Variants in TMEM150C observed in about 807,000 individuals in gnomAD.
TMEM150C encodes transmembrane protein 150C, also known as tentonin 3.
Under a neutral mutation model 29.9 loss-of-function variants are expected in TMEM150C, and 10 were observed. The ratio of observed to expected loss-of-function variants is 0.33; its 90% confidence interval spans 0.21 to 0.57. TMEM150C has a LOEUF of 0.57. Ranked by LOEUF, TMEM150C falls within the 20% of genes least tolerant of loss-of-function variation. TMEM150C has a pLI of 0.88. For synonymous variants in TMEM150C, 101 were observed against 112.5 expected (o/e 0.90, Z 0.64); for missense variants, 251 against 303.6 (o/e 0.83, Z 1.29).
At chr4:82,542,997 T>C (rs1170241931) in intron 1 of TMEM150C, among the ~76,000 whole-genome samples, 2 of 152,230 alleles carry the variant, frequency 1.3e-5, no homozygotes, top group African/African-American at 4.8e-5. Flanking sequence ...ATGACTGTTA[T>C]GTATATAGCA....
chr4:82,526,946 C>A (rs930140872), intron 1 of TMEM150C, among the ~76,000 whole-genome samples: 1 of 151,714 alleles, frequency 6.6e-6, no homozygotes, highest in African/African-American at 2.4e-5. Flanking sequence ...AATTCTTACC[C>A]ATCTTTCCAG....
chr4:82,487,805 A>C (rs569017545), intron 7 of TMEM150C, among the ~76,000 whole-genome samples: 3 of 152,224 alleles, frequency 2.0e-5, no homozygotes, highest in Admixed American at 6.5e-5. Flanking sequence ...GTGTGTTTTC[A>C]TATTTTATTC....
intron 1 of TMEM150C, among the ~76,000 whole-genome samples, chr4:82,514,687 C>T (rs1177397066): frequency 6.6e-6 from 1 of 152,200 alleles, no homozygotes; most frequent in Admixed American, 6.5e-5. Context: ...TGCCCAGCTA[C>T]ATGACTCTCC....
At chr4:82,553,651 C>G (rs181107983) in intron 1 of TMEM150C, among the ~76,000 whole-genome samples, 32 of 152,274 alleles carry the variant, frequency 2.1e-4, no homozygotes, top group African/African-American at 6.3e-4. Context: ...GAAAAAAAGT[C>G]ACTCTGAGCC....
chr4:82,501,857 G>A (rs1381945725), intron 5 of TMEM150C, among the ~76,000 whole-genome samples: 1 of 151,732 alleles, frequency 6.6e-6, no homozygotes, highest in Non-Finnish European at 1.5e-5. Flanking sequence ...TCCCACAAAG[G>A]TTGAATATTC....
chr4:82,503,053 C>A lies in TMEM150C; in HGVS notation c.134+6G>T. 6.2e-7 allele frequency: 1 copy of A among 1,612,488 alleles called. No individual in the cohort carries two copies. Among genetic ancestry groups the A allele is most frequent in the Non-Finnish European group, 8.5e-7 (1 of 1,179,324 alleles). Reference sequence around the variant, plus strand: ...GAACAACGAATTACCCACAGATAAACTTTACCTTTCAGCTGAATTTAATGG... The same window carrying A: ...GAACAACGAATTACCCACAGATAAAATTTACCTTTCAGCTGAATTTAATGG... On this transcript the variant is annotated splice_donor_region_variant and intron_variant, in intron 3 of 7. Transcript: ENST00000449862.
intron 1 of TMEM150C, among the ~76,000 whole-genome samples, chr4:82,513,185 A>G (rs1005129231): frequency 6.6e-6 from 1 of 152,204 alleles, no homozygotes; most frequent in Non-Finnish European, 1.5e-5. Flanking sequence ...TTCATACAGG[A>G]GAGCTCTGGC....
intron 1 of TMEM150C, among the ~76,000 whole-genome samples, chr4:82,531,452 G>T (rs1724842504): frequency 6.6e-6 from 1 of 151,994 alleles, no homozygotes; most frequent in South Asian, 2.1e-4. Context: ...GAGGAATGGA[G>T]GCTGAAAAAG....
intron 1 of TMEM150C, among the ~76,000 whole-genome samples, chr4:82,559,041 C>T (rs1725831809): frequency 1.3e-5 from 2 of 152,132 alleles, no homozygotes; most frequent in African/African-American, 4.8e-5. Flanking sequence ...TAATTCTCCC[C>T]ACCCTTGAGA....
intron 1 of TMEM150C, among the ~76,000 whole-genome samples, chr4:82,555,178 A>G (rs1194932180): frequency 1.3e-5 from 2 of 152,242 alleles, no homozygotes; most frequent in African/African-American, 2.4e-5. Flanking sequence ...CTTTTGTCAT[A>G]TGAAATTCTT....
chr4:82,554,484 AAT>A (rs1160492215), intron 1 of TMEM150C, among the ~76,000 whole-genome samples: 1 of 152,218 alleles, frequency 6.6e-6, no homozygotes, highest in African/African-American at 2.4e-5. Flanking sequence ...CAGTTTAAAA[AAT>A]ATATGTTAAT....
At chr4:82,502,477 ATCAAG>A (rs1723766171) in intron 5 of TMEM150C, among the ~76,000 whole-genome samples, 1 of 152,232 alleles carries the variant, frequency 6.6e-6, no homozygotes, top group African/African-American at 2.4e-5. Context: ...AGCAAAATAG[ATCAAG>A]TCAAGAGTAT....
At chr4:82,549,719 T>C (rs1234934486) in intron 1 of TMEM150C, among the ~76,000 whole-genome samples, 3 of 152,228 alleles carry the variant, frequency 2.0e-5, no homozygotes, top group African/African-American at 7.2e-5. Flanking sequence ...TGTAATCATC[T>C]CTTTATTGGA....
intron 7 of TMEM150C, among the ~76,000 whole-genome samples, chr4:82,487,180 G>A (rs186748716): frequency 5.3e-5 from 8 of 152,104 alleles, no homozygotes; most frequent in African/African-American, 1.9e-4. Context: ...TGGACAAGGT[G>A]GCTCATGCCT....
Position 82,490,072 on chromosome 4 carries a change from C to T in TMEM150C, c.530G>A (p.Cys177Tyr), listed in dbSNP as rs1723283684. The T allele has an allele frequency of 1.2e-6, 2 of 1,613,838 alleles. No individual in the cohort carries two copies. Among genetic ancestry groups the T allele is most frequent in the Admixed American group, 1.7e-5 (1 of 59,998 alleles). ...CGTTCAAAGGATACAGAGGACCACA[C>T]AGAGAGTGATAGATGCCGACAGAAT... ...RVILSASITL[C>Y]VVLYFILMAQ... The change falls in exon 7 of 8, where the codon TGT becomes TAT. Residue 177 changes from cysteine to tyrosine, a missense_variant. Cys to Tyr is a radical substitution (Grantham distance 194, BLOSUM62 -2). Transcript: ENST00000449862.
intron 1 of TMEM150C, among the ~76,000 whole-genome samples, chr4:82,528,481 CCAAA>C (rs1309251662): frequency 2.6e-5 from 4 of 152,138 alleles, no homozygotes; most frequent in Middle Eastern, 3.2e-3. Flanking sequence ...GGCACGTGTT[CCAAA>C]CAGAGCAGAG....
At chr4:82,505,336 A>C (rs1723885115) in intron 1 of TMEM150C, among the ~76,000 whole-genome samples, 1 of 152,198 alleles carries the variant, frequency 6.6e-6, no homozygotes, top group African/African-American at 2.4e-5. Flanking sequence ...CATGAGCCAC[A>C]GTGCCCGGCC....
intron 1 of TMEM150C, among the ~76,000 whole-genome samples, chr4:82,527,061 A>C: frequency 8.6e-6 from 1 of 115,922 alleles, no homozygotes; most frequent in Non-Finnish European, 1.7e-5. Context: ...AATTGCCCAT[A>C]TCTCCTATTT....
chr4:82,485,601 A>T lies in TMEM150C; in HGVS notation c.660T>A (p.Tyr220Ter), dbSNP rs775901024. The T allele has an allele frequency of 6.2e-7, 1 of 1,607,554 alleles. No homozygotes were observed. Among genetic ancestry groups the T allele is most frequent in the Non-Finnish European group, 8.5e-7 (1 of 1,175,508 alleles). The change falls in exon 8 of 8, where the codon TAT becomes TAA. Residue 220 changes from tyrosine (Y) to a stop codon, truncating the protein, a stop_gained. Coordinates refer to ENST00000449862, the MANE Select transcript of TMEM150C (RefSeq NM_001080506.3). LOFTEE classifies it high-confidence loss of function. The stretch of plus-strand genomic sequence containing the variant: ...CCTGGTACTCAGAGCAAACAATCTC[A>T]TAGCGGTAATGCCGGAACTCCACGG... ...TFAVEFRHYR[Y>*]EIVCSEYQEN... is the part of the protein sequence containing the mutation.
Sources: allele counts gnomAD v4.1 joint callset (sites outside exome capture counted in the v4.1 genomes callset), GRCh38; gene constraint gnomAD v4.1.1; transcripts MANE v1.5; gene names NCBI Gene and HGNC (gene_info 2026-07-23, HGNC 2026-07-21).